The following MYO7B variants were observed in gnomAD, a reference collection of about 807,000 sequenced individuals.
The protein encoded by MYO7B is unconventional myosin-VIIb.
In MYO7B, 212 loss-of-function variants were observed where a neutral mutation model predicts 259.7. The ratio of observed to expected loss-of-function variants is 0.82; its 90% CI spans 0.73 to 0.91. The LOEUF is 0.91. Ranked by LOEUF, MYO7B falls within the 40% of genes least tolerant of loss-of-function variation. MYO7B has a pLI of 0.00. For synonymous variants in MYO7B, 1,197 were observed against 1,166.4 expected (o/e 1.03, Z -0.54); for missense variants, 2,732 against 2,813.5 (o/e 0.97, Z 0.66).
chr2:127,545,264 T>A (rs1405245888), intron 1 of MYO7B, among the ~76,000 whole-genome samples: 3 of 152,264 alleles, frequency 2.0e-5, no homozygotes, highest in Non-Finnish European at 4.4e-5. Flanking sequence ...ATAGATGTTA[T>A]CAAATTGTCT....
chr2:127,612,669 T>TGGCCAC, intron 26 of MYO7B, 66 bp downstream of exon 26: 1 of 1,567,806 alleles, frequency 6.4e-7, no homozygotes. Flanking sequence ...TCTCAGCCCA[T>TGGCCAC]GGCCACAGCC....
chr2:127,578,614 T>C (rs6709113), intron 9 of MYO7B, among the ~76,000 whole-genome samples: 134,259 of 152,148 alleles, frequency 0.88, 59,562 homozygotes, highest in East Asian at 0.99. Flanking sequence ...GAGCAAGGGG[T>C]GGTCTGGGGA....
At position 127,588,544 on chromosome 2, in the gene MYO7B, C is replaced by G; in HGVS notation, c.1843C>G (p.His615Asp). The G allele has an allele frequency of 3.7e-6, 6 of 1,613,180 alleles. No homozygotes were observed. The highest frequency in any genetic ancestry group is 5.1e-6 in the Non-Finnish European group (6 of 1,179,856). Reference sequence around the variant, plus strand: ...CATCCGCCAGGCAAAGGCAGGAAACCATCTCTTCAAGGTGGGCTCCCAGGC... The same window carrying G: ...CATCCGCCAGGCAAAGGCAGGAAACGATCTCTTCAAGGTGGGCTCCCAGGC... ...GTIRQAKAGN[H>D]LFKSADSNKR... The change falls in exon 15 of 48, where the codon CAT (histidine) becomes GAT (aspartate). Residue 615 changes from histidine to aspartate, a missense_variant. Physicochemically the swap from His to Asp is moderately conservative, Grantham distance 81. Transcript: ENST00000409816.
Position 127,628,317 on chromosome 2 carries a change from G to A in MYO7B, c.4461-55G>A. ...CCCCACCTCCCGAGGCTGTTTAGGG[G>A]CTGGATCAGGGGAAGGTGGAGGGGG... On this transcript the variant is annotated intron_variant, in intron 33 of 47. Transcript: ENST00000409816. The surrounding 1 kb of genome is among the most constrained non-coding windows in gnomAD (Gnocchi z 4.8). 6.4e-7 allele frequency: 1 copy of A among 1,554,394 alleles called. No homozygotes were observed. Among genetic ancestry groups the A allele is most frequent in the Non-Finnish European group, 8.7e-7 (1 of 1,152,872 alleles).
chr2:127,566,555 G>GCAGAGC (rs1259839218), intron 4 of MYO7B, 88 bp from the exon 5 acceptor site: 7 of 1,321,804 alleles, frequency 5.3e-6, no homozygotes, highest in Non-Finnish European at 6.0e-6. Context: ...AACCCCGAGG[G>GCAGAGC]CAGAGCCAGA....
chr2:127,634,812 A>C (rs1001578532), intron 42 of MYO7B, 129 bp downstream of exon 42: 32 of 953,160 alleles, frequency 3.4e-5, no homozygotes, highest in Non-Finnish European at 5.1e-5. Flanking sequence ...TTGTGGGAAC[A>C]ACCAGGCCCT....
intron 24 of MYO7B, among the ~76,000 whole-genome samples, chr2:127,610,732 G>A (rs1680352214): frequency 1.3e-5 from 2 of 152,208 alleles, no homozygotes; most frequent in African/African-American, 4.8e-5. Context: ...TAACCAGCTG[G>A]GACTTAGCTC....
rs1478070013 is a variant in MYO7B at position 127,630,973 on chromosome 2, AC to A, written c.4937+70del. 8 of 1,455,806 alleles carry A rather than the reference AC, an allele frequency of 5.5e-6. No individual in the cohort carries two copies. The East Asian group carries it at 2.0e-4, about 37-fold the overall frequency. The allele number at this position is 1,455,806 out of a possible 1,614,324, so 90.2% of individuals were successfully genotyped here. Reference sequence around the variant, plus strand: ...TCCCAGCCCCACCTCACCTCATTGCACCCCCTGCTCCCAGCCCCGCTCCACC... The same window carrying A: ...TCCCAGCCCCACCTCACCTCATTGCACCCCTGCTCCCAGCCCCGCTCCACC... On this transcript the variant is annotated intron_variant, in intron 36 of 47. Transcript: ENST00000409816.
chr2:127,636,743 C>A lies in MYO7B; in HGVS notation c.6208-51C>A. 1 of 1,612,194 alleles carries A rather than the reference C, an allele frequency of 6.2e-7. No individual in the cohort carries two copies. The highest frequency in any genetic ancestry group is 8.5e-7 in the Non-Finnish European group (1 of 1,179,146). Reference sequence around the variant, plus strand: ...CCTCTCTCCTGTCCCCTAACACACACAGAGCCCGTGCTCTGGAGGCGTCCG... The same window carrying A: ...CCTCTCTCCTGTCCCCTAACACACAAAGAGCCCGTGCTCTGGAGGCGTCCG... On this transcript the variant is annotated intron_variant, in intron 46 of 47. Transcript: ENST00000409816. The surrounding 1 kb of genome is among the most constrained non-coding windows in gnomAD (Gnocchi z 4.5).
In MYO7B at chr2:127,585,059, A is replaced by G. The variant is rs1679249314; in HGVS notation, c.1690+146A>G. 2 of 1,069,742 alleles carry G rather than the reference A, an allele frequency of 1.9e-6. No homozygotes were observed. The highest frequency in any genetic ancestry group is 4.8e-5 in the Admixed American group (2 of 41,910). 66.3% of individuals were successfully genotyped at this position (1,069,742 alleles called of 1,614,324 possible). On this transcript the variant is annotated intron_variant, in intron 14 of 47. Transcript: ENST00000409816. This position sits in a 1 kb window ranked among gnomAD's most constrained non-coding sequence, Gnocchi z 4.3. ...GTAGTATGGCTTCTACTGGAGAAAGAAAATGGAGTGGACCGGGCATGTTTT... is the reference window on the plus strand; with the variant it reads ...GTAGTATGGCTTCTACTGGAGAAAGGAAATGGAGTGGACCGGGCATGTTTT...
chr2:127,609,460 T>C lies in MYO7B; in HGVS notation c.2815-46T>C. On this transcript the variant is annotated intron_variant, in intron 22 of 47. Coordinates refer to ENST00000409816, the MANE Select transcript of MYO7B (RefSeq NM_001393586.1). The surrounding 1 kb of genome is among the most constrained non-coding windows in gnomAD (Gnocchi z 6.9). ...GGACAGTCAGCTGATGGGTTGGTTG[T>C]TACCTGAAAGCCCTGCTGACCCGTG... The C allele has an allele frequency of 1.3e-6, 2 of 1,553,810 alleles. No individual in the cohort carries two copies. Among genetic ancestry groups the C allele is most frequent in the Non-Finnish European group, 1.8e-6 (2 of 1,142,602 alleles).
intron 1 of MYO7B, among the ~76,000 whole-genome samples, chr2:127,541,461 T>C (rs1355391506): frequency 6.6e-6 from 1 of 152,238 alleles, no homozygotes; most frequent in Non-Finnish European, 1.5e-5. Flanking sequence ...CTGTACAGGA[T>C]CCACTGGTAG....
chr2:127,545,217 A>G (rs529097219), intron 1 of MYO7B, among the ~76,000 whole-genome samples: 1 of 152,358 alleles, frequency 6.6e-6, no homozygotes, highest in South Asian at 2.1e-4. Context: ...TGTTGCTAAT[A>G]GTGGGATTGT....
At chr2:127,617,519 G>T (rs144007233) in intron 26 of MYO7B, among the ~76,000 whole-genome samples, 1 of 95,564 alleles carries the variant, frequency 1.0e-5, no homozygotes, top group Admixed American at 1.2e-4. Flanking sequence ...TTTTTGAGAC[G>T]GAGTCTCGCT....
chr2:127,537,460 C>T (rs1692828236), intron 1 of MYO7B, among the ~76,000 whole-genome samples: 1 of 152,202 alleles, frequency 6.6e-6, no homozygotes, highest in Non-Finnish European at 1.5e-5. Context: ...TGTTTGTGTG[C>T]CCATTCTTGG....
At chr2:127,557,271 G>T (rs934810688) in intron 1 of MYO7B, among the ~76,000 whole-genome samples, 1 of 151,876 alleles carries the variant, frequency 6.6e-6, no homozygotes, top group Non-Finnish European at 1.5e-5. Context: ...TATTTATGCT[G>T]TCTGTTTCAA....
chr2:127,613,957 CT>C lies in MYO7B; in HGVS notation c.3398+1355del, dbSNP rs1035171420. 1.3e-5 allele frequency among the ~76,000 whole-genome samples: 2 copies of C among 152,166 alleles called. No homozygotes were observed. The highest frequency in any genetic ancestry group is 4.8e-5 in the African/African-American group (2 of 41,424). ...CAAGATTTCCCTTCTCACTTTCAAGCTACTGTGGGTACCCTAAACTCTCTCC... is the reference window on the plus strand; with the variant it reads ...CAAGATTTCCCTTCTCACTTTCAAGCACTGTGGGTACCCTAAACTCTCTCC... On this transcript the variant is annotated intron_variant, in intron 26 of 47. Coordinates refer to ENST00000409816, the MANE Select transcript of MYO7B (RefSeq NM_001393586.1). The surrounding 1 kb of genome is among the most constrained non-coding windows in gnomAD (Gnocchi z 4.3).
At chr2:127,569,945 A>C (rs1349644501) in intron 6 of MYO7B, 35 bp downstream of exon 6, 1 of 1,592,478 alleles carries the variant, frequency 6.3e-7, no homozygotes, top group Non-Finnish European at 8.6e-7. Context: ...CTTCTCCCCC[A>C]GCCCCCCTGG....
At chr2:127,572,947 A>C (rs1678708382) in intron 6 of MYO7B, among the ~76,000 whole-genome samples, 1 of 151,980 alleles carries the variant, frequency 6.6e-6, no homozygotes, top group Non-Finnish European at 1.5e-5. Flanking sequence ...AAAAAAAAAA[A>C]ACTGCCTGCA....
Sources: allele counts gnomAD v4.1 joint callset (sites outside exome capture counted in the v4.1 genomes callset), GRCh38; gene constraint gnomAD v4.1.1; non-coding constraint Gnocchi (gnomAD v3.1); transcripts MANE v1.5; gene names NCBI Gene and HGNC (gene_info 2026-07-23, HGNC 2026-07-21).